Variants in NCKAP5 observed in about 807,000 individuals in gnomAD.
The protein encoded by NCKAP5 is NCK associated protein 5.
In NCKAP5, 92 loss-of-function variants were observed where a neutral mutation model predicts 167.0. The observed-to-expected ratio is 0.55, with a 90% CI of 0.47 to 0.66. NCKAP5 has a LOEUF of 0.66. Ranked by LOEUF, NCKAP5 falls within the 30% of genes least tolerant of loss-of-function variation. The pLI is 0.00. For synonymous variants in NCKAP5, 891 were observed against 877.4 expected (o/e 1.02, Z -0.27); for missense variants, 2,378 against 2,315.0 (o/e 1.03, Z -0.56).
intron 6 of NCKAP5, among the ~76,000 whole-genome samples, chr2:133,004,185 C>T (rs1210142327): frequency 1.3e-5 from 2 of 152,170 alleles, no homozygotes; most frequent in African/African-American, 4.8e-5. Context: ...AGAAATACAC[C>T]TCACTGGCTT....
intron 1 of NCKAP5, among the ~76,000 whole-genome samples, chr2:133,567,657 C>CTCTGTGTGTGTGTGTGTG (rs375516676): frequency 1.1e-4 from 14 of 130,998 alleles, no homozygotes; most frequent in African/African-American, 3.9e-4. Context: ...ATGAATGAGC[C>CTCTGTGTGTGTGTGTGTG]TGTGTGTGTG....
At position 132,784,996 on chromosome 2, in the gene NCKAP5, T is replaced by G; in HGVS notation, c.1815A>C (p.Ser605=). ...SSDEKSPSDV[S]LAADTDKSVE... is the part of the protein sequence containing the mutation. Reference sequence around the variant, plus strand: ...CGGACTTATCGGTGTCGGCAGCCAATGACACGTCTGAAGGACTTTTCTCAT... The same window carrying G: ...CGGACTTATCGGTGTCGGCAGCCAAGGACACGTCTGAAGGACTTTTCTCAT... The change falls in exon 14 of 20, where the codon TCA becomes TCC. Residue 605 remains serine, a synonymous_variant. Coordinates refer to ENST00000409261, the MANE Select transcript of NCKAP5 (RefSeq NM_207363.3). The G allele has an allele frequency of 1.9e-6, 3 of 1,613,960 alleles. No individual in the cohort carries two copies. In the South Asian group the frequency reaches 3.3e-5, roughly 18 times the overall value.
rs907360293 is a variant in NCKAP5, at chr2:133,292,917, C to G, written c.143+10120G>C. On this transcript the variant is annotated intron_variant, in intron 4 of 19. Transcript: ENST00000409261. Reference sequence around the variant, plus strand: ...ATAAAGATCCTAGTCCTGAATTTCTCGTCATCCTCTGTACTGTTAGAGCTT... The same window carrying G: ...ATAAAGATCCTAGTCCTGAATTTCTGGTCATCCTCTGTACTGTTAGAGCTT... 2.0e-5 allele frequency among the ~76,000 whole-genome samples: 3 copies of G among 152,140 alleles called. No homozygotes were observed. In the South Asian group the frequency reaches 6.2e-4, roughly 32 times the overall value.
At chr2:133,359,771 T>C (rs1450123744) in intron 3 of NCKAP5, among the ~76,000 whole-genome samples, 1 of 152,258 alleles carries the variant, frequency 6.6e-6, no homozygotes, top group African/African-American at 2.4e-5. Flanking sequence ...CTTAAAATTC[T>C]GTCACTAATA....
At chr2:133,081,100 G>T (rs2149591521) in intron 6 of NCKAP5, among the ~76,000 whole-genome samples, 1 of 152,184 alleles carries the variant, frequency 6.6e-6, no homozygotes, top group South Asian at 2.1e-4. Flanking sequence ...CAGTATGAAA[G>T]CAAAGTGTAT....
chr2:133,233,428 C>T (rs1173378528), intron 4 of NCKAP5, among the ~76,000 whole-genome samples: 2 of 152,052 alleles, frequency 1.3e-5, no homozygotes, highest in Non-Finnish European at 2.9e-5. Context: ...GACATACATA[C>T]ATATTGCATT....
chr2:132,838,748 G>A (rs1239976213), intron 11 of NCKAP5, among the ~76,000 whole-genome samples: 3 of 152,148 alleles, frequency 2.0e-5, no homozygotes, highest in Non-Finnish European at 2.9e-5. Flanking sequence ...ACAAAGTCCC[G>A]GAAGTGGGGT....
At chr2:133,158,540 C>A (rs1038433717) in intron 5 of NCKAP5, among the ~76,000 whole-genome samples, 8 of 152,086 alleles carry the variant, frequency 5.3e-5, no homozygotes, top group African/African-American at 1.9e-4. Flanking sequence ...TAAGGGGCTA[C>A]CTACTCTAAG....
At chr2:132,736,904 T>C (rs1173883859) in intron 16 of NCKAP5, among the ~76,000 whole-genome samples, 2 of 152,206 alleles carry the variant, frequency 1.3e-5, no homozygotes, top group Non-Finnish European at 2.9e-5. Flanking sequence ...AAGGGTTGGG[T>C]TGTTGGATGT....
chr2:132,870,753 G>A (rs1690749354), intron 9 of NCKAP5, among the ~76,000 whole-genome samples: 1 of 119,456 alleles, frequency 8.4e-6, no homozygotes, highest in African/African-American at 3.3e-5. Flanking sequence ...TAGTAAGAAT[G>A]TTTCCATGGA....
At chr2:133,423,404 T>C (rs1370281458) in intron 3 of NCKAP5, among the ~76,000 whole-genome samples, 1 of 152,228 alleles carries the variant, frequency 6.6e-6, no homozygotes, top group Non-Finnish European at 1.5e-5. Flanking sequence ...TGAATCGTCA[T>C]GAAACTGAAG....
At chr2:133,506,451 T>G (rs1683014038) in intron 3 of NCKAP5, among the ~76,000 whole-genome samples, 2 of 152,116 alleles carry the variant, frequency 1.3e-5, no homozygotes, top group Non-Finnish European at 2.9e-5. Context: ...CCCAGAGCAC[T>G]CTATGGGCCC....
intron 3 of NCKAP5, among the ~76,000 whole-genome samples, chr2:133,396,164 A>T (rs1194310470): frequency 6.6e-6 from 1 of 152,142 alleles, no homozygotes; most frequent in African/African-American, 2.4e-5. Context: ...GGTAAAGTTC[A>T]ATGAACGTTG....
chr2:133,493,938 G>A (rs1025893869), intron 3 of NCKAP5, among the ~76,000 whole-genome samples: 1 of 152,196 alleles, frequency 6.6e-6, no homozygotes, highest in Admixed American at 6.5e-5. Context: ...CACTCTGTGG[G>A]AGGAAATTAG....
At chr2:133,614,689 T>C in the NCKAP5 span, among the ~76,000 whole-genome samples, 3 of 152,184 alleles carry the variant, frequency 2.0e-5, no homozygotes, top group Non-Finnish European at 2.9e-5. Flanking sequence ...TACCTGAAAG[T>C]GACGGGGAGA....
intron 2 of NCKAP5, among the ~76,000 whole-genome samples, chr2:133,553,417 G>T (rs1234388478): frequency 1.3e-5 from 2 of 152,188 alleles, no homozygotes; most frequent in African/African-American, 4.8e-5. Flanking sequence ...CTGGGAATCT[G>T]CATTTTTAAT....
In NCKAP5 at chr2:132,731,836, G is replaced by A. The variant is rs752664413; in HGVS notation, c.5344C>T (p.Pro1782Ser). 5 of 1,613,942 alleles carry A rather than the reference G, an allele frequency of 3.1e-6. No homozygotes were observed. The highest frequency in any genetic ancestry group is 4.2e-6 in the Non-Finnish European group (5 of 1,179,878). The change falls in exon 17 of 20, where the codon CCT becomes TCT. Residue 1782 changes from proline (P) to serine (S), a missense_variant. Pro to Ser is a moderately conservative substitution (Grantham distance 74, BLOSUM62 -1). Coordinates refer to ENST00000409261, the MANE Select transcript of NCKAP5 (RefSeq NM_207363.3). ...GAATGAACAATGGCGCTATCTGCAG[G>A]GCGCTGGCCGTCTGTGGAGGAAGGC... Reference protein sequence around the residue: ...EVPSSTDGQRPADSAIVHSTS... With the variant: ...EVPSSTDGQRSADSAIVHSTS...
At chr2:133,376,442 C>T (rs1686150558) in intron 3 of NCKAP5, among the ~76,000 whole-genome samples, 1 of 152,150 alleles carries the variant, frequency 6.6e-6, no homozygotes, top group Non-Finnish European at 1.5e-5. Flanking sequence ...AGTTTTTTTG[C>T]TTCTACATTC....
intron 3 of NCKAP5, among the ~76,000 whole-genome samples, chr2:133,376,245 C>T (rs1182403807): frequency 6.6e-6 from 1 of 152,142 alleles, no homozygotes; most frequent in Non-Finnish European, 1.5e-5. Flanking sequence ...CTTATGAAGA[C>T]CATGTTATCA....
Sources: allele counts gnomAD v4.1 joint callset (sites outside exome capture counted in the v4.1 genomes callset), GRCh38; gene constraint gnomAD v4.1.1; transcripts MANE v1.5; gene names NCBI Gene and HGNC (gene_info 2026-07-23, HGNC 2026-07-21).